The following RAB31 variants were observed in gnomAD, a reference collection of about 807,000 sequenced individuals.
The protein encoded by RAB31 is RAB31, member RAS oncogene family.
Under a neutral mutation model 25.6 loss-of-function variants are expected in RAB31, and 21 were observed. The ratio of observed to expected loss-of-function variants is 0.82; its 90% confidence interval spans 0.58 to 1.18. The LOEUF (loss-of-function observed/expected upper bound fraction) is 1.18, where lower values mean the gene tolerates loss of function less well. Ranked by LOEUF, RAB31 falls within the 50% of genes most tolerant of loss-of-function variation. The probability of loss-of-function intolerance (pLI) is 0.00; values close to 1 mark genes in which losing one functional copy is unlikely to be tolerated. For missense variants in RAB31, 196 were observed against 250.1 expected (o/e 0.78, Z 1.46); for synonymous variants, 87 against 84.0 (o/e 1.04, Z -0.20).
chr18:9,716,689 G>A (rs116487511), intron 1 of RAB31, among the ~76,000 whole-genome samples: 3,173 of 152,216 alleles, frequency 0.021, 104 homozygotes, highest in African/African-American at 0.072. Context: ...TATGTCCTGA[G>A]GAGCCAGAGT....
At chr18:9,760,719 G>C (rs1031556) in intron 1 of RAB31, among the ~76,000 whole-genome samples, 120,559 of 152,010 alleles carry the variant, frequency 0.79, 47,995 homozygotes, top group South Asian at 0.85. Context: ...ATCCTGTTTC[G>C]CCTAACATGT....
At chr18:9,763,012 C>T (rs16955559) in intron 1 of RAB31, among the ~76,000 whole-genome samples, 30,773 of 151,928 alleles carry the variant, frequency 0.2, 3,664 homozygotes, top group African/African-American at 0.33. Context: ...GCCAGCTCTG[C>T]GAGAATGAGA....
At chr18:9,838,499 A>C (rs774688768) in intron 5 of RAB31, among the ~76,000 whole-genome samples, 3 of 152,228 alleles carry the variant, frequency 2.0e-5, no homozygotes, top group Non-Finnish European at 4.4e-5. Flanking sequence ...GCAGGGCTTC[A>C]GGATTCCTTC....
chr18:9,757,925 G>A (rs536350524), intron 1 of RAB31: 1 of 152,334 alleles, frequency 6.6e-6, no homozygotes, highest in South Asian at 2.1e-4. Context: ...CTTCTTCCTT[G>A]TGTAAGAGCA....
chr18:9,856,489 A>C (rs1016376565), intron 6 of RAB31: 6 of 152,262 alleles, frequency 3.9e-5, no homozygotes, highest in African/African-American at 1.4e-4. Context: ...TTTCCAAAGC[A>C]AAAAACTTAT....
chr18:9,845,790 G>A, intron 6 of RAB31, 99 bp downstream of exon 6: 2 of 1,411,658 alleles, frequency 1.4e-6, no homozygotes, highest in South Asian at 1.6e-5. Context: ...CTTTTCCTCT[G>A]TGTGAATTTA....
intron 1 of RAB31, among the ~76,000 whole-genome samples, chr18:9,750,451 T>A (rs562421303): frequency 6.6e-6 from 1 of 152,338 alleles, no homozygotes; most frequent in African/African-American, 2.4e-5. Flanking sequence ...AGGCTTGGCA[T>A]GCACTGGGGC....
intron 1 of RAB31, chr18:9,757,955 G>A (rs752444442): frequency 1.3e-5 from 2 of 152,176 alleles, no homozygotes; most frequent in Non-Finnish European, 2.9e-5. Flanking sequence ...CATAAATCTT[G>A]TCCTTAGGTC....
chr18:9,839,199 A>T (rs950466874), intron 5 of RAB31, among the ~76,000 whole-genome samples: 1 of 152,108 alleles, frequency 6.6e-6, no homozygotes, highest in African/African-American at 2.4e-5. Flanking sequence ...TGCCAGACTG[A>T]GCTCTCTAGG....
intron 2 of RAB31, among the ~76,000 whole-genome samples, chr18:9,791,290 T>TA (rs955598984): frequency 6.6e-6 from 1 of 152,142 alleles, no homozygotes; most frequent in African/African-American, 2.4e-5. Flanking sequence ...TTTTCACTCT[T>TA]AATTATTGTA....
At chr18:9,790,807 A>G (rs2068456017) in intron 2 of RAB31, among the ~76,000 whole-genome samples, 2 of 152,242 alleles carry the variant, frequency 1.3e-5, no homozygotes, top group African/African-American at 4.8e-5. Context: ...TAGGTGATGT[A>G]TCTACTTCTT....
At chr18:9,717,170 C>T (rs955614282) in intron 1 of RAB31, among the ~76,000 whole-genome samples, 5 of 152,098 alleles carry the variant, frequency 3.3e-5, no homozygotes, top group African/African-American at 1.2e-4. Flanking sequence ...GCCTCAACCT[C>T]CCAGTCTCAA....
At chr18:9,728,496 T>A (rs1298461329) in intron 1 of RAB31, among the ~76,000 whole-genome samples, 3 of 152,204 alleles carry the variant, frequency 2.0e-5, no homozygotes, top group African/African-American at 7.2e-5. Flanking sequence ...TGACATGATT[T>A]TCTACACCCT....
chr18:9,753,438 A>G (rs1186502883), intron 1 of RAB31, among the ~76,000 whole-genome samples: 2 of 152,214 alleles, frequency 1.3e-5, no homozygotes, highest in African/African-American at 4.8e-5. Flanking sequence ...TTGGGACTCT[A>G]CAGAGTCCTC....
intron 3 of RAB31, among the ~76,000 whole-genome samples, chr18:9,810,710 C>A (rs2068565988): frequency 6.6e-6 from 1 of 152,134 alleles, no homozygotes. Context: ...GGTGTTTTAG[C>A]CTAAAGTGAA....
chr18:9,821,380 G>C (rs747385452), intron 5 of RAB31, among the ~76,000 whole-genome samples: 1 of 152,078 alleles, frequency 6.6e-6, no homozygotes, highest in Non-Finnish European at 1.5e-5. Flanking sequence ...CTGCAGACAA[G>C]TGTGTCTAAC....
At chr18:9,719,500 C>T (rs1295878976) in intron 1 of RAB31, among the ~76,000 whole-genome samples, 8 of 151,080 alleles carry the variant, frequency 5.3e-5, no homozygotes, top group Admixed American at 4.6e-4. Context: ...TATTTGTTCT[C>T]CTCTTTAGTT....
intron 1 of RAB31, among the ~76,000 whole-genome samples, chr18:9,717,268 G>A (rs1207751540): frequency 4.0e-5 from 6 of 151,894 alleles, no homozygotes; most frequent in African/African-American, 4.8e-5. Flanking sequence ...AGTTTTTTTC[G>A]AATACATTTC....
In RAB31 at chr18:9,716,665, T is replaced by G. The variant is rs8098110; in HGVS notation, c.39+8221T>G. On this transcript the variant is annotated intron_variant, in intron 1 of 6. Coordinates refer to ENST00000578921, the MANE Select transcript of RAB31 (RefSeq NM_006868.4). ...TTCCTCCTGTGGTAAGCTGCTGAGC[T>G]GTGGAGAGGAGAGTATGTCCTGAGG... Among the ~76,000 whole-genome samples, 1,308 of 152,278 alleles carry G rather than the reference T, an allele frequency of 8.6e-3. 26 individuals are homozygous for G. The highest frequency in any genetic ancestry group is 0.029 in the African/African-American group (1,223 of 41,552).
Sources: gnomAD v4.1 joint callset for allele counts (sites outside exome capture counted in the v4.1 genomes callset) on GRCh38, gnomAD v4.1.1 for gene constraint, MANE v1.5 for transcripts, NCBI Gene and HGNC (gene_info 2026-07-23, HGNC 2026-07-21) for gene names.